The following PRKG1 variants were observed in gnomAD, a reference collection of about 807,000 sequenced individuals.
The protein encoded by PRKG1 is protein kinase cGMP-dependent 1.
Under a neutral mutation model 88.1 loss-of-function variants are expected in PRKG1, and 35 were observed. The observed-to-expected ratio is 0.40, with a 90% CI of 0.30 to 0.53. The LOEUF is 0.53. Ranked by LOEUF, PRKG1 falls within the 20% of genes least tolerant of loss-of-function variation. PRKG1 has a pLI of 0.59. For missense variants in PRKG1, 540 were observed against 839.8 expected, an observed-to-expected ratio of 0.64 and a Z score of 4.41; for synonymous variants, 303 against 292.5, an observed-to-expected ratio of 1.04 and a Z score of -0.37.
At chr10:51,277,785 A>C (rs1589305832) in intron 2 of PRKG1, among the ~76,000 whole-genome samples, 1 of 152,256 alleles carries the variant, frequency 6.6e-6, no homozygotes, top group East Asian at 1.9e-4. Flanking sequence ...AATGCTTGTG[A>C]TTTTTGCACA....
At chr10:51,430,391 A>C (rs1354691456) in intron 2 of PRKG1, among the ~76,000 whole-genome samples, 1 of 152,204 alleles carries the variant, frequency 6.6e-6, no homozygotes, top group African/African-American at 2.4e-5. Context: ...ACTGCACTCC[A>C]GCCTAGGTAA....
At chr10:51,438,950 T>A (rs1023995498) in intron 2 of PRKG1, among the ~76,000 whole-genome samples, 4 of 151,612 alleles carry the variant, frequency 2.6e-5, no homozygotes, top group African/African-American at 9.7e-5. Context: ...AAAGGACAAA[T>A]CTGATTAATC....
chr10:51,724,922 C>A (rs996133006), intron 3 of PRKG1, among the ~76,000 whole-genome samples: 5 of 135,266 alleles, frequency 3.7e-5, no homozygotes, highest in Non-Finnish European at 7.6e-5. Flanking sequence ...ATTGCCCAGG[C>A]TGGTCTTGAA....
intron 2 of PRKG1, among the ~76,000 whole-genome samples, chr10:51,443,768 C>T (rs1307693091): frequency 6.6e-6 from 1 of 151,962 alleles, no homozygotes; most frequent in African/African-American, 2.4e-5. Flanking sequence ...CAGTATCCCA[C>T]CCTGTAGAAA....
At chr10:51,163,539 A>C (rs1871630) in intron 2 of PRKG1, among the ~76,000 whole-genome samples, 2 of 151,926 alleles carry the variant, frequency 1.3e-5, no homozygotes. Context: ...CAATGGGCGC[A>C]AGACAGTGGG....
chr10:51,264,537 C>A (rs1187398205), intron 2 of PRKG1, among the ~76,000 whole-genome samples: 1 of 152,136 alleles, frequency 6.6e-6, no homozygotes, highest in Non-Finnish European at 1.5e-5. Flanking sequence ...TCACGGTATT[C>A]TGTGGCAAAT....
intron 7 of PRKG1, among the ~76,000 whole-genome samples, chr10:52,120,914 C>T (rs1476170553): frequency 1.3e-5 from 2 of 152,154 alleles, no homozygotes. Context: ...AAGTTTCTGC[C>T]TGGGCCCCAA....
At chr10:51,324,262 C>T (rs1841526510) in intron 2 of PRKG1, among the ~76,000 whole-genome samples, 1 of 151,982 alleles carries the variant, frequency 6.6e-6, no homozygotes, top group African/African-American at 2.4e-5. Context: ...CCTTCCTTTC[C>T]TTCCAGGCCT....
chr10:52,292,124 G>T (rs1416195244), intron 17 of PRKG1, among the ~76,000 whole-genome samples: 2 of 151,738 alleles, frequency 1.3e-5, no homozygotes, highest in African/African-American at 4.8e-5. Flanking sequence ...TTTTTTTCTT[G>T]TAAATTTGTT....
intron 9 of PRKG1, among the ~76,000 whole-genome samples, chr10:52,217,416 T>G (rs538050642): frequency 6.6e-6 from 1 of 152,144 alleles, no homozygotes; most frequent in Non-Finnish European, 1.5e-5. Flanking sequence ...AGTTCTCTCT[T>G]TTTTAGATTA....
At position 52,298,336 on chromosome 10, in the gene PRKG1, A is replaced by G. The variant is rs1415986773; in HGVS notation, c.*4436A>G. ...TACTTTATAGAGTTGAAATAAAAAA[A>G]TAATTACTTTTGAACTTAGTTGATG... On this transcript the variant is annotated 3_prime_UTR_variant, in exon 18 of 18. Transcript: ENST00000373980. 2.0e-5 allele frequency: 3 copies of G among 151,114 alleles called. No homozygotes were observed. The East Asian group carries it at 5.8e-4, about 29-fold the overall frequency. The allele number at this position is 151,114 out of a possible 1,614,324, so 9.4% of individuals were successfully genotyped here.
chr10:51,712,580 CTTTTTTTTTTTTTTTTTTT>C (rs60053336), intron 3 of PRKG1, among the ~76,000 whole-genome samples: 3 of 96,002 alleles, frequency 3.1e-5, no homozygotes, highest in African/African-American at 1.2e-4. Context: ...AATATTATTC[CTTTTTTTTTTTTTTTTTTT>C]TTTTTTTTGA....
chr10:51,887,048 G>A (rs1292008650), intron 4 of PRKG1, among the ~76,000 whole-genome samples: 1 of 152,154 alleles, frequency 6.6e-6, no homozygotes, highest in Non-Finnish European at 1.5e-5. Context: ...GTGCAGTGGT[G>A]CATCTCCACT....
At chr10:51,959,282 A>G (rs1344687288) in intron 5 of PRKG1, among the ~76,000 whole-genome samples, 1 of 152,160 alleles carries the variant, frequency 6.6e-6, no homozygotes, top group Non-Finnish European at 1.5e-5. Context: ...CGATAATTGG[A>G]GAAGATTTTG....
intron 3 of PRKG1, among the ~76,000 whole-genome samples, chr10:51,680,700 C>T (rs10998875): frequency 0.019 from 2,827 of 152,308 alleles, 51 homozygotes; most frequent in Non-Finnish European, 0.026. Context: ...GTACTCTGTA[C>T]TTTCCTTTAA....
At chr10:52,146,209 A>C (rs1388684777) in intron 8 of PRKG1, among the ~76,000 whole-genome samples, 1 of 152,190 alleles carries the variant, frequency 6.6e-6, no homozygotes, top group African/African-American at 2.4e-5. Context: ...TCTATGTCAT[A>C]TGATTATAAA....
At chr10:51,539,763 A>AT (rs1025873924) in intron 3 of PRKG1, among the ~76,000 whole-genome samples, 15 of 152,142 alleles carry the variant, frequency 9.9e-5, no homozygotes, top group African/African-American at 3.6e-4. Flanking sequence ...GATGAAATGA[A>AT]TTTTTTGTCC....
At chr10:51,803,220 G>A (rs1839220585) in intron 3 of PRKG1, among the ~76,000 whole-genome samples, 1 of 152,062 alleles carries the variant, frequency 6.6e-6, no homozygotes, top group Admixed American at 6.6e-5. Flanking sequence ...CACTACCTTT[G>A]TTTTTGATGA....
At chr10:51,404,583 T>C (rs962185832) in intron 2 of PRKG1, among the ~76,000 whole-genome samples, 1 of 152,224 alleles carries the variant, frequency 6.6e-6, no homozygotes, top group African/African-American at 2.4e-5. Context: ...GAATCAAACA[T>C]ACTTGCTTGG....
Sources: gnomAD v4.1 joint callset for allele counts (sites outside exome capture counted in the v4.1 genomes callset) on GRCh38, gnomAD v4.1.1 for gene constraint, MANE v1.5 for transcripts, NCBI Gene and HGNC (gene_info 2026-07-23, HGNC 2026-07-21) for gene names.